Variants in RBSN observed in about 807,000 individuals in gnomAD.
The protein encoded by RBSN is rabenosyn-5.
A neutral mutation model predicts 60.5 loss-of-function variants in RBSN; 34 were observed. That is an observed-to-expected ratio of 0.56 (90% CI 0.43 to 0.75). The LOEUF (loss-of-function observed/expected upper bound fraction) is 0.75, where lower values mean the gene tolerates loss of function less well. Among genes scored for constraint, RBSN ranks in the 30% least tolerant of loss-of-function variants. The probability of loss-of-function intolerance (pLI) is 0.00; values close to 1 mark genes in which losing one functional copy is unlikely to be tolerated. For missense variants in RBSN, 845 were observed against 986.8 expected (o/e 0.86, Z 1.92); for synonymous variants, 322 against 366.9 (o/e 0.88, Z 1.40).
At position 15,085,000 on chromosome 3, in the gene RBSN, C is replaced by T. The variant is rs763675803; in HGVS notation, c.436G>A (p.Ala146Thr). The T allele has an allele frequency of 6.2e-7, 1 of 1,614,068 alleles. No homozygotes were observed. Among genetic ancestry groups the T allele is most frequent in the Non-Finnish European group, 8.5e-7 (1 of 1,180,038 alleles). Residue 146 changes from alanine (A) to threonine (T), a missense_variant and splice_region_variant, in exon 7 of 14, where the codon GCA becomes ACA. Ala to Thr is a moderately conservative substitution (Grantham distance 58). Coordinates refer to ENST00000253699, the MANE Select transcript of RBSN (RefSeq NM_022340.4). This position sits in a 1 kb window ranked among gnomAD's most constrained non-coding sequence, Gnocchi z 4.2. Reference sequence around the variant, plus strand: ...AATGTGAGCAAAGTTTTAAAGTTACCTCGAATCTTTGCAGACTCAGTATTT... The same window carrying T: ...AATGTGAGCAAAGTTTTAAAGTTACTTCGAATCTTTGCAGACTCAGTATTT... The part of the protein sequence containing the change: ...RTNTESAKIR[A>T]IEKSVVPWVN...
rs746425610 is a variant in RBSN, at chr3:15,090,480, G to T, written c.208C>A (p.Arg70=). The part of the protein sequence containing the change: ...DRLLKREGDD[R]AESGTQGYES... ...TATCCTTGGGTCCCTGACTCTGCTCGATCATCCCCTTCTCGTTTCAACAAC... is the reference window on the plus strand; with the variant it reads ...TATCCTTGGGTCCCTGACTCTGCTCTATCATCCCCTTCTCGTTTCAACAAC... The change falls in exon 5 of 14, where the codon CGA becomes AGA. Residue 70 remains arginine, a synonymous_variant. Transcript: ENST00000253699. 1 of 1,614,142 alleles carries T rather than the reference G, an allele frequency of 6.2e-7. No homozygotes were observed. The highest frequency in any genetic ancestry group is 1.7e-5 in the Admixed American group (1 of 60,016).
rs374570763 is a variant in RBSN, at chr3:15,077,073, G to A, written c.1090C>T (p.Leu364Phe). The A allele has an allele frequency of 2.0e-5, 33 of 1,614,100 alleles. No individual in the cohort carries two copies. Among genetic ancestry groups the A allele is most frequent in the Non-Finnish European group, 2.8e-5 (33 of 1,179,964 alleles). Reference protein sequence around the residue: ...LQRMIRYSATLFVQEKLLGLM... With the variant: ...LQRMIRYSATFFVQEKLLGLM... ...CAGGATGGCTTTACCTGCACAAAAA[G>A]TGTAGCTGAGTATCTGATCATTCTC... Residue 364 changes from leucine (L) to phenylalanine (F), a missense_variant, in exon 12 of 14, where the codon CTT (leucine) becomes TTT (phenylalanine). By Grantham distance (22) the Leu-to-Phe change is conservative (BLOSUM62 0). Transcript: ENST00000253699. This position sits in a 1 kb window ranked among gnomAD's most constrained non-coding sequence, Gnocchi z 4.4.
At chr3:15,094,643 A>G (rs2043604041) in intron 4 of RBSN, among the ~76,000 whole-genome samples, 1 of 152,236 alleles carries the variant, frequency 6.6e-6, no homozygotes, top group South Asian at 2.1e-4. Context: ...TCTGTTCTAT[A>G]GCCTCTACAG....
chr3:15,095,958 G>C lies in RBSN; in HGVS notation c.148+15C>G, dbSNP rs2043645389. On this transcript the variant is annotated intron_variant, in intron 4 of 13. Transcript: ENST00000253699. Reference sequence around the variant, plus strand: ...TCAACGACAGCAGGGGATAGGCAAGGTCCTCGCCTCTTACTTTTAATTTGC... The same window carrying C: ...TCAACGACAGCAGGGGATAGGCAAGCTCCTCGCCTCTTACTTTTAATTTGC... 1 of 1,614,180 alleles carries C rather than the reference G, an allele frequency of 6.2e-7. No individual in the cohort carries two copies. The highest frequency in any genetic ancestry group is 8.5e-7 in the Non-Finnish European group (1 of 1,180,006).
intron 4 of RBSN, among the ~76,000 whole-genome samples, 159 bp from the exon 5 acceptor site, chr3:15,090,698 C>T (rs1232260187): frequency 6.6e-6 from 1 of 152,192 alleles, no homozygotes; most frequent in Non-Finnish European, 1.5e-5. Flanking sequence ...AGCAAGCACA[C>T]AAACACTATA....
intron 6 of RBSN, 48 bp from the exon 7 acceptor site, chr3:15,085,093 A>G (rs2043305172): frequency 6.2e-7 from 1 of 1,600,314 alleles, no homozygotes. Flanking sequence ...GGTGATGTAT[A>G]CATGCTCCAC....
At chr3:15,089,232 G>A (rs2043429403) in intron 5 of RBSN, among the ~76,000 whole-genome samples, 1 of 152,070 alleles carries the variant, frequency 6.6e-6, no homozygotes, top group Non-Finnish European at 1.5e-5. Context: ...CTGGGAGGCT[G>A]AGATGGGAGG....
At position 15,085,879 on chromosome 3, in the gene RBSN, T is replaced by G. The variant is rs2043324973; in HGVS notation, c.372A>C (p.Leu124=). 1.2e-6 allele frequency: 2 copies of G among 1,614,036 alleles called. No homozygotes were observed. The highest frequency in any genetic ancestry group is 4.5e-5 in the East Asian group (2 of 44,880). The part of the protein sequence containing the change: ...IDHYVVEVNK[L]IIRLEKLTAF... ...AATTTACCTTCTCTAACCTGATTATTAGTTTATTGACTTCCACAACATAGT... is the reference window on the plus strand; with the variant it reads ...AATTTACCTTCTCTAACCTGATTATGAGTTTATTGACTTCCACAACATAGT... Residue 124 remains leucine, a synonymous_variant, in exon 6 of 14, where the codon CTA becomes CTC. Coordinates refer to ENST00000253699, the MANE Select transcript of RBSN (RefSeq NM_022340.4).
At chr3:15,085,091 A>G (rs759849674) in intron 6 of RBSN, 46 bp from the exon 7 acceptor site, 2 of 1,606,830 alleles carry the variant, frequency 1.2e-6, no homozygotes, top group Non-Finnish European at 1.7e-6. Context: ...CAGGTGATGT[A>G]TACATGCTCC....
chr3:15,072,710 T>G lies in RBSN; in HGVS notation c.*1072A>C, dbSNP rs2042948619. On this transcript the variant is annotated 3_prime_UTR_variant, in exon 14 of 14. Coordinates refer to ENST00000253699, the MANE Select transcript of RBSN (RefSeq NM_022340.4). ...ATAATACTAATATCAACCAAAAAGT[T>G]AACCACTCTTATTTTTTTTTGAGAC... is the stretch of plus-strand genomic sequence containing the variant. 6.6e-6 allele frequency: 1 copy of G among 151,246 alleles called. No individual in the cohort carries two copies. The highest frequency in any genetic ancestry group is 1.5e-5 in the Non-Finnish European group (1 of 67,512). The allele number at this position is 151,246 out of a possible 1,614,324, so 9.4% of individuals were successfully genotyped here.
intron 5 of RBSN, among the ~76,000 whole-genome samples, chr3:15,089,809 A>C (rs527912366): frequency 7.1e-4 from 108 of 152,158 alleles, no homozygotes; most frequent in African/African-American, 2.2e-3. Flanking sequence ...ACGGGGTTTC[A>C]CCGTGGTCTG....
In RBSN at chr3:15,096,009, A is replaced by C; in HGVS notation, c.112T>G (p.Ser38Ala). Reference protein sequence around the residue: ...QLHSHYEEEHSGEDRDVKGQI... With the variant: ...QLHSHYEEEHAGEDRDVKGQI... ...CCTTTGACATCACGGTCTTCCCCTG[A>C]GTGTTCTTCCTCGTAATGTGAGTGA... Residue 38 changes from serine to alanine, a missense_variant, in exon 4 of 14, where the codon TCA (serine) becomes GCA (alanine). By Grantham distance (99) the Ser-to-Ala change is moderately conservative. Coordinates refer to ENST00000253699, the MANE Select transcript of RBSN (RefSeq NM_022340.4). The C allele has an allele frequency of 6.2e-7, 1 of 1,614,152 alleles. No homozygotes were observed. Among genetic ancestry groups the C allele is most frequent in the Non-Finnish European group, 8.5e-7 (1 of 1,180,028 alleles).
chr3:15,093,964 C>T (rs9880916), intron 4 of RBSN, among the ~76,000 whole-genome samples: 8,043 of 152,254 alleles, frequency 0.053, 252 homozygotes, highest in East Asian at 0.13. Context: ...CATGGCCTCC[C>T]AAAGTGCTGG....
rs753631968 is a variant in RBSN, at chr3:15,080,742, C to T, written c.901G>A (p.Ala301Thr). 1.9e-6 allele frequency: 3 copies of T among 1,614,080 alleles called. No individual in the cohort carries two copies. The Admixed American group carries it at 5.0e-5, about 27-fold the overall frequency. ...QKAPEYIRMAASLNAGETTYS... is the reference protein window; with the variant it reads ...QKAPEYIRMATSLNAGETTYS... ...AGATGAATAGCTTACTTTAATGATG[C>T]TGCCATCCTGATGTATTCTGGAGCT... Residue 301 changes from alanine to threonine, a missense_variant, in exon 10 of 14, where the codon GCA becomes ACA. By Grantham distance (58) the Ala-to-Thr change is moderately conservative. Transcript: ENST00000253699.
chr3:15,082,990 A>G lies in RBSN; in HGVS notation c.599-382T>C, dbSNP rs2043245068. 6.6e-6 allele frequency among the ~76,000 whole-genome samples: 1 copy of G among 152,082 alleles called. No individual in the cohort carries two copies. The highest frequency in any genetic ancestry group is 1.5e-5 in the Non-Finnish European group (1 of 68,018). On this transcript the variant is annotated intron_variant, in intron 8 of 13. Coordinates refer to ENST00000253699, the MANE Select transcript of RBSN (RefSeq NM_022340.4). This position sits in a 1 kb window ranked among gnomAD's most constrained non-coding sequence, Gnocchi z 4.2. ...TTTCCAATTCCCTGAGGCAAAAACTATCCATCCTTCCCATCAGTTCCCACC... is the reference window on the plus strand; with the variant it reads ...TTTCCAATTCCCTGAGGCAAAAACTGTCCATCCTTCCCATCAGTTCCCACC...
intron 10 of RBSN, among the ~76,000 whole-genome samples, chr3:15,078,840 A>AAT (rs1290933408): frequency 1.1e-4 from 12 of 110,812 alleles, no homozygotes; most frequent in African/African-American, 2.1e-4. Flanking sequence ...TTTTGTTTTA[A>AAT]ATATATATAT....
intron 10 of RBSN, 73 bp downstream of exon 10, chr3:15,080,659 C>G: frequency 7.0e-7 from 1 of 1,422,746 alleles, no homozygotes; most frequent in East Asian, 2.3e-5. Flanking sequence ...TCATTTTTGG[C>G]TACTGGAGAA....
intron 13 of RBSN, 36 bp downstream of exon 13, chr3:15,075,570 G>T (rs1444013926): frequency 6.3e-7 from 1 of 1,575,524 alleles, no homozygotes; most frequent in African/African-American, 1.3e-5. Context: ...GAGAGCCACA[G>T]GAGGAAGCAG....
chr3:15,092,555 C>T (rs1445935624), intron 4 of RBSN, among the ~76,000 whole-genome samples: 3 of 152,120 alleles, frequency 2.0e-5, no homozygotes, highest in African/African-American at 7.2e-5. Flanking sequence ...ATTACAGGCA[C>T]GTGCCAACAC....
Sources: gnomAD v4.1 joint callset for allele counts (sites outside exome capture counted in the v4.1 genomes callset) on GRCh38, gnomAD v4.1.1 for gene constraint, Gnocchi (gnomAD v3.1) non-coding constraint, MANE v1.5 for transcripts, NCBI Gene and HGNC (gene_info 2026-07-23, HGNC 2026-07-21) for gene names.